The following LRP1B variants were observed in gnomAD, a reference collection of about 807,000 sequenced individuals.
LRP1B encodes LDL receptor related protein 1B.
LRP1B carries 217 observed loss-of-function variants against 556.6 expected under a neutral mutation model. The ratio of observed to expected loss-of-function variants is 0.39; its 90% confidence interval spans 0.35 to 0.44. The LOEUF is 0.44. Among genes scored for constraint, LRP1B ranks in the 20% least tolerant of loss-of-function variants. LRP1B has a pLI of 1.00. For synonymous variants in LRP1B, 2,047 were observed against 1,865.8 expected (o/e 1.10, Z -2.50); for missense variants, 5,053 against 5,620.8 (o/e 0.90, Z 3.23).
chr2:140,613,102 T>C (rs1350733216), intron 41 of LRP1B, among the ~76,000 whole-genome samples: 1 of 151,144 alleles, frequency 6.6e-6, no homozygotes, highest in Non-Finnish European at 1.5e-5. Flanking sequence ...CAGCAGACTA[T>C]TGTCAGGTAT....
intron 27 of LRP1B, among the ~76,000 whole-genome samples, chr2:140,861,905 A>G (rs1692808339): frequency 6.6e-6 from 1 of 152,228 alleles, no homozygotes; most frequent in Non-Finnish European, 1.5e-5. Context: ...GCGCATGCAC[A>G]CGCTTTCTCT....
chr2:140,797,215 T>A (rs1202762643), intron 32 of LRP1B, among the ~76,000 whole-genome samples: 3 of 151,978 alleles, frequency 2.0e-5, no homozygotes, highest in Non-Finnish European at 2.9e-5. Flanking sequence ...CTCAGAAAAC[T>A]GGTGTCTAGA....
intron 20 of LRP1B, among the ~76,000 whole-genome samples, chr2:140,927,780 C>T (rs1409493056): frequency 1.4e-5 from 2 of 146,436 alleles, no homozygotes; most frequent in Non-Finnish European, 3.0e-5. Flanking sequence ...AATCTTGGCT[C>T]ACTGCAACCT....
chr2:141,596,238 A>G (rs1687514003), intron 2 of LRP1B, among the ~76,000 whole-genome samples: 1 of 152,028 alleles, frequency 6.6e-6, no homozygotes, highest in Non-Finnish European at 1.5e-5. Context: ...CAAATTATTA[A>G]TATAATTAAG....
At chr2:140,904,409 A>G (rs918624516) in intron 22 of LRP1B, among the ~76,000 whole-genome samples, 6 of 150,808 alleles carry the variant, frequency 4.0e-5, no homozygotes, top group Non-Finnish European at 8.9e-5. Flanking sequence ...GAGATGTGCT[A>G]AAAAGACTAT....
At chr2:140,615,411 T>A (rs898069145) in intron 41 of LRP1B, among the ~76,000 whole-genome samples, 8 of 152,080 alleles carry the variant, frequency 5.3e-5, no homozygotes, top group Admixed American at 4.6e-4. Context: ...AATAATAACT[T>A]CTGTCTGACC....
intron 35 of LRP1B, among the ~76,000 whole-genome samples, chr2:140,744,381 T>G (rs1688250707): frequency 1.3e-5 from 2 of 152,114 alleles, no homozygotes; most frequent in Non-Finnish European, 2.9e-5. Flanking sequence ...TGAAGGACAG[T>G]GTTTAAGATG....
At chr2:141,716,778 C>A (rs1349263537) in intron 2 of LRP1B, among the ~76,000 whole-genome samples, 1 of 152,162 alleles carries the variant, frequency 6.6e-6, no homozygotes, top group African/African-American at 2.4e-5. Flanking sequence ...TGATTCTAGA[C>A]TAATATGTCT....
intron 43 of LRP1B, among the ~76,000 whole-genome samples, chr2:140,590,429 T>C (rs2105164152): frequency 6.6e-6 from 1 of 151,832 alleles, no homozygotes; most frequent in Middle Eastern, 3.4e-3. Flanking sequence ...TTGCAAAATT[T>C]ACATGTTGAA....
chr2:140,325,908 G>A, intron 79 of LRP1B, 30 bp from the exon 80 acceptor site: 1 of 1,301,806 alleles, frequency 7.7e-7, no homozygotes, highest in Non-Finnish European at 1.1e-6. Context: ...AAGACAAATA[G>A]TGCAAGTAAA....
At chr2:140,655,686 C>A (rs1038906296) in intron 41 of LRP1B, among the ~76,000 whole-genome samples, 2 of 152,126 alleles carry the variant, frequency 1.3e-5, no homozygotes. Flanking sequence ...CTCACGCCTG[C>A]AATCCCAGCA....
Position 140,516,887 on chromosome 2 carries a change from A to G in LRP1B, c.8149+2T>C, listed in dbSNP as rs777770725. The stretch of plus-strand genomic sequence containing the variant: ...AAAACTAAGCTAAATACAATGTCTC[A>G]CCACAGTGGAATTCATCACGTCCAT... On this transcript the variant is annotated splice_donor_variant, in intron 50 of 90. Coordinates refer to ENST00000389484, the MANE Select transcript of LRP1B (RefSeq NM_018557.3). LOFTEE classifies it high-confidence loss of function. 8 of 1,613,046 alleles carry G rather than the reference A, an allele frequency of 5.0e-6. No homozygotes were observed. In the East Asian group the frequency reaches 1.8e-4, roughly 36 times the overall value.
chr2:141,623,529 T>C (rs1362869442), intron 2 of LRP1B, among the ~76,000 whole-genome samples: 1 of 152,156 alleles, frequency 6.6e-6, no homozygotes, highest in Non-Finnish European at 1.5e-5. Flanking sequence ...GTTCTCAAGA[T>C]ATAGGTTTTA....
intron 32 of LRP1B, among the ~76,000 whole-genome samples, chr2:140,779,731 G>A (rs944541051): frequency 7.3e-6 from 1 of 137,844 alleles, no homozygotes; most frequent in African/African-American, 2.8e-5. Flanking sequence ...GTGTGTGTGT[G>A]GTGTGTCTGT....
chr2:140,791,414 G>C (rs530863823), intron 32 of LRP1B, among the ~76,000 whole-genome samples: 3 of 152,070 alleles, frequency 2.0e-5, no homozygotes, highest in Non-Finnish European at 4.4e-5. Flanking sequence ...GGGTGACAGA[G>C]TGAGACCCTG....
intron 1 of LRP1B, among the ~76,000 whole-genome samples, chr2:141,954,343 A>AC (rs1479119374): frequency 6.6e-6 from 1 of 152,104 alleles, no homozygotes; most frequent in Non-Finnish European, 1.5e-5. Context: ...CATAAAGAAA[A>AC]ATGACTGACA....
At chr2:141,113,568 A>AT (rs529042415) in intron 7 of LRP1B, among the ~76,000 whole-genome samples, 12 of 151,456 alleles carry the variant, frequency 7.9e-5, no homozygotes, top group African/African-American at 9.7e-5. Flanking sequence ...TTTGCAATTC[A>AT]TTTTTTTTTA....
intron 1 of LRP1B, among the ~76,000 whole-genome samples, chr2:141,919,090 C>T (rs147436456): frequency 1.3e-5 from 2 of 151,868 alleles, no homozygotes; most frequent in African/African-American, 4.8e-5. Flanking sequence ...GAAATAAATG[C>T]CCTCTGTGAA....
intron 2 of LRP1B, among the ~76,000 whole-genome samples, chr2:141,578,817 G>A (rs1337058368): frequency 6.6e-6 from 1 of 151,934 alleles, no homozygotes; most frequent in African/African-American, 2.4e-5. Flanking sequence ...AAAGGTTTCT[G>A]CGTATGTGCA....
Sources: gnomAD v4.1 joint callset for allele counts (sites outside exome capture counted in the v4.1 genomes callset) on GRCh38, gnomAD v4.1.1 for gene constraint, MANE v1.5 for transcripts, NCBI Gene and HGNC (gene_info 2026-07-23, HGNC 2026-07-21) for gene names.